Variants in B4GALNT3 observed in about 807,000 individuals in gnomAD.
B4GALNT3 encodes beta-1,4-N-acetyl-galactosaminyltransferase 3, also known as beta-1,4-N-acetylgalactosaminyltransferase 3.
In B4GALNT3, 86 loss-of-function variants were observed where a neutral mutation model predicts 120.2. The ratio of observed to expected loss-of-function variants is 0.72; its 90% CI spans 0.60 to 0.86. B4GALNT3 has a LOEUF of 0.86. B4GALNT3 is among the 40% of genes least tolerant of loss of function. The pLI, the probability that B4GALNT3 is intolerant of heterozygous loss-of-function variation, is 0.00. For synonymous variants in B4GALNT3, 518 were observed against 510.4 expected (o/e 1.01, Z -0.20); for missense variants, 1,167 against 1,298.9 (o/e 0.90, Z 1.56).
At chr12:547,561 G>A (rs931337819) in intron 7 of B4GALNT3, among the ~76,000 whole-genome samples, 3 of 152,168 alleles carry the variant, frequency 2.0e-5, no homozygotes, top group African/African-American at 7.2e-5. Context: ...TGGTGGGTAC[G>A]CCGTGTGCAG....
chr12:465,712 A>C (rs976706044), intron 1 of B4GALNT3, among the ~76,000 whole-genome samples: 6 of 151,042 alleles, frequency 4.0e-5, no homozygotes, highest in Admixed American at 2.0e-4. Context: ...AGGGACCCTC[A>C]AGTTGAGGTC....
chr12:548,158 C>T lies in B4GALNT3; in HGVS notation c.786+56C>T. The T allele has an allele frequency of 1.2e-6, 2 of 1,606,364 alleles. No homozygotes were observed. Reference sequence around the variant, plus strand: ...GCTCAGTTCCTGGCACTCATCTCCCCTTGTCCCTTGACCCCTGTTGGAAAT... The same window carrying T: ...GCTCAGTTCCTGGCACTCATCTCCCTTTGTCCCTTGACCCCTGTTGGAAAT... On this transcript the variant is annotated intron_variant, in intron 8 of 19. Coordinates refer to ENST00000266383, the MANE Select transcript of B4GALNT3 (RefSeq NM_173593.4). The surrounding 1 kb of genome is among the most constrained non-coding windows in gnomAD (Gnocchi z 4.9).
chr12:560,680 G>A (rs1947218952), intron 19 of B4GALNT3, among the ~76,000 whole-genome samples: 1 of 152,212 alleles, frequency 6.6e-6, no homozygotes, highest in Admixed American at 6.5e-5. Context: ...GATTTGGGAA[G>A]CCGGGTCCAG....
chr12:512,165 ACCTTCCGCCTTCCG>A (rs1170221103), intron 1 of B4GALNT3, among the ~76,000 whole-genome samples: 4,387 of 49,788 alleles, frequency 0.088, 425 homozygotes, highest in Non-Finnish European at 0.1. Context: ...TCCGCCTTCC[ACCTTCCGCCTTCCG>A]CCTTCCACCT....
intron 1 of B4GALNT3, among the ~76,000 whole-genome samples, chr12:501,742 C>G (rs901466324): frequency 3.3e-5 from 5 of 152,178 alleles, no homozygotes; most frequent in Non-Finnish European, 5.9e-5. Context: ...ATGAGAAATT[C>G]TAATTCAGGA....
In B4GALNT3 at chr12:551,103, T is replaced by C. The variant is rs907558345; in HGVS notation, c.1107+72T>C. On this transcript the variant is annotated intron_variant, in intron 11 of 19. Coordinates refer to ENST00000266383, the MANE Select transcript of B4GALNT3 (RefSeq NM_173593.4). ...TGCTGCCTGTGACTGGGATGGGAGG[T>C]GGTGAGGCTGACTTTCCCATCTTCC... is the stretch of plus-strand genomic sequence containing the variant. The C allele has an allele frequency of 3.1e-6, 4 of 1,301,014 alleles. No homozygotes were observed. In the South Asian group the frequency reaches 5.1e-5, roughly 17 times the overall value. 80.6% of individuals were successfully genotyped at this position (1,301,014 alleles called of 1,614,324 possible). A position where few individuals can be genotyped will look rare whatever the true frequency, so the allele number is the denominator to read the frequency against.
chr12:506,041 C>A (rs1185223173), intron 1 of B4GALNT3, among the ~76,000 whole-genome samples: 1 of 152,098 alleles, frequency 6.6e-6, no homozygotes, highest in African/African-American at 2.4e-5. Flanking sequence ...CATTTTTTTA[C>A]CCTCTAATAC....
Position 561,479 on chromosome 12 carries a change from TC to T in B4GALNT3, c.*32del. On this transcript the variant is annotated 3_prime_UTR_variant, in exon 20 of 20. Coordinates refer to ENST00000266383, the MANE Select transcript of B4GALNT3 (RefSeq NM_173593.4). The stretch of plus-strand genomic sequence containing the variant: ...GGAGGGTGTCCGCGGGGCCCAGCAC[TC>T]CCCGCTCTGGACTAGCAGTGGCTCC... The T allele has an allele frequency of 6.5e-7, 1 of 1,543,630 alleles. No individual in the cohort carries two copies. The highest frequency in any genetic ancestry group is 8.9e-7 in the Non-Finnish European group (1 of 1,124,362).
At chr12:493,754 C>T (rs1487370777) in intron 1 of B4GALNT3, among the ~76,000 whole-genome samples, 1 of 151,996 alleles carries the variant, frequency 6.6e-6, no homozygotes, top group Non-Finnish European at 1.5e-5. Flanking sequence ...GTTTTTATTT[C>T]ATTAAAACAT....
At position 542,942 on chromosome 12, in the gene B4GALNT3, C is replaced by T. The variant is rs143784944; in HGVS notation, c.352-1397C>T. 3.3e-5 allele frequency among the ~76,000 whole-genome samples: 5 copies of T among 152,182 alleles called. No homozygotes were observed. The South Asian group carries it at 8.3e-4, about 25-fold the overall frequency. On this transcript the variant is annotated intron_variant, in intron 3 of 19. Transcript: ENST00000266383. The stretch of plus-strand genomic sequence containing the variant: ...GACCACTGGGTAGATAAGGTTTCAC[C>T]GGCAGACAGCTGTGGCGCTTTCCTC...
chr12:544,222 T>G, intron 3 of B4GALNT3, 117 bp from the exon 4 acceptor site: 1 of 884,132 alleles, frequency 1.1e-6, no homozygotes, highest in South Asian at 1.5e-5. Flanking sequence ...GGGGTGCTCA[T>G]CCTCCTGGAG....
chr12:561,397 T>C lies in B4GALNT3; in HGVS notation c.2943T>C (p.His981=), dbSNP rs775524577. ...GTCTCTCCCTCAGGAATTTCTTCCA[T>C]CATTTCCATTCCAAGCGAGGCATGT... ...VERLSLRNFF[H]HFHSKRGMWS... is the part of the protein sequence containing the mutation. The change falls in exon 20 of 20, where the codon CAT becomes CAC. Residue 981 remains histidine (H), a synonymous_variant. Coordinates refer to ENST00000266383, the MANE Select transcript of B4GALNT3 (RefSeq NM_173593.4). 1 of 1,614,040 alleles carries C rather than the reference T, an allele frequency of 6.2e-7. No individual in the cohort carries two copies. Among genetic ancestry groups the C allele is most frequent in the East Asian group, 2.2e-5 (1 of 44,876 alleles).
chr12:547,722 G>A (rs1411083605), intron 7 of B4GALNT3, among the ~76,000 whole-genome samples: 2 of 152,104 alleles, frequency 1.3e-5, no homozygotes, highest in Non-Finnish European at 2.9e-5. Flanking sequence ...CATATTGAAA[G>A]CATTTAGAAC....
intron 1 of B4GALNT3, among the ~76,000 whole-genome samples, chr12:510,944 C>T (rs1946541835): frequency 6.7e-6 from 1 of 150,372 alleles, no homozygotes; most frequent in South Asian, 2.1e-4. Flanking sequence ...TTATCAGTCA[C>T]TCCCAATTCT....
chr12:505,048 G>A (rs770803814), intron 1 of B4GALNT3, among the ~76,000 whole-genome samples: 8 of 151,916 alleles, frequency 5.3e-5, no homozygotes, highest in East Asian at 1.9e-4. Context: ...ACACCACCAC[G>A]CCTGGCTAAT....
chr12:494,979 G>A (rs1364841465), intron 1 of B4GALNT3, among the ~76,000 whole-genome samples: 1 of 152,158 alleles, frequency 6.6e-6, no homozygotes, highest in African/African-American at 2.4e-5. Context: ...AGGAGGCCTG[G>A]AGTTCTTGTT....
chr12:522,208 G>A (rs957685350), intron 1 of B4GALNT3, among the ~76,000 whole-genome samples: 1 of 152,192 alleles, frequency 6.6e-6, no homozygotes, highest in Non-Finnish European at 1.5e-5. Flanking sequence ...AGAGATATTT[G>A]CACACTCTTG....
intron 1 of B4GALNT3, among the ~76,000 whole-genome samples, chr12:500,039 G>T (rs1946423489): frequency 6.6e-6 from 1 of 152,140 alleles, no homozygotes; most frequent in Non-Finnish European, 1.5e-5. Flanking sequence ...TTGCTCTCTT[G>T]TTCGATAGCA....
chr12:516,184 A>T (rs1029490482), intron 1 of B4GALNT3, among the ~76,000 whole-genome samples: 2 of 152,168 alleles, frequency 1.3e-5, no homozygotes, highest in East Asian at 3.8e-4. Context: ...TGGAACATAC[A>T]TTCAAAGTAT....
Sources: allele counts gnomAD v4.1 joint callset (sites outside exome capture counted in the v4.1 genomes callset), GRCh38; gene constraint gnomAD v4.1.1; non-coding constraint Gnocchi (gnomAD v3.1); transcripts MANE v1.5; gene names NCBI Gene and HGNC (gene_info 2026-07-23, HGNC 2026-07-21).